RASGRF2: variants seen among roughly 807,000 people sequenced by gnomAD.
The protein encoded by RASGRF2 is ras-specific guanine nucleotide-releasing factor 2.
RASGRF2 carries 76 observed loss-of-function variants against 151.0 expected under a neutral mutation model. The observed-to-expected ratio is 0.50, with a 90% CI of 0.42 to 0.61. The LOEUF is 0.61. Among genes scored for constraint, RASGRF2 ranks in the 20% least tolerant of loss-of-function variants. The probability of loss-of-function intolerance (pLI) is 0.00; values close to 1 mark genes in which losing one functional copy is unlikely to be tolerated. For missense variants in RASGRF2, 1,148 were observed against 1,564.6 expected (o/e 0.73, Z 4.49); for synonymous variants, 504 against 566.5 (o/e 0.89, Z 1.57).
chr5:81,057,080 A>C (rs1472008748), intron 2 of RASGRF2, among the ~76,000 whole-genome samples: 1 of 152,106 alleles, frequency 6.6e-6, no homozygotes, highest in East Asian at 1.9e-4. Flanking sequence ...TGTTGACTCT[A>C]TCCAATTTGC....
chr5:81,229,068 A>G lies in RASGRF2; in HGVS notation c.*3298A>G, dbSNP rs1447448416. ...GGCCAGCAGCGATTGGGCAGCTTTT[A>G]AATTCTTAACTGAAAAGAGTAATGC... On this transcript the variant is annotated 3_prime_UTR_variant, in exon 27 of 27. Transcript: ENST00000265080. 1 of 152,222 alleles carries G rather than the reference A, an allele frequency of 6.6e-6. No individual in the cohort carries two copies. Among genetic ancestry groups the G allele is most frequent in the Non-Finnish European group, 1.5e-5 (1 of 68,046 alleles). 9.4% of individuals were successfully genotyped at this position (152,222 alleles called of 1,614,324 possible).
At chr5:81,091,838 G>A (rs72771106) in intron 9 of RASGRF2, among the ~76,000 whole-genome samples, 6 of 152,254 alleles carry the variant, frequency 3.9e-5, no homozygotes, top group Non-Finnish European at 7.4e-5. Context: ...ATGTTCAAGG[G>A]TTGGATATGC....
intron 24 of RASGRF2, 93 bp from the exon 25 acceptor site, chr5:81,217,263 A>C (rs1755758865): frequency 2.0e-6 from 3 of 1,492,956 alleles, no homozygotes; most frequent in Admixed American, 4.9e-5. Flanking sequence ...TCAGTACCAA[A>C]GGAGGATACT....
chr5:81,145,179 A>G (rs1289041029), intron 17 of RASGRF2, among the ~76,000 whole-genome samples: 1 of 152,188 alleles, frequency 6.6e-6, no homozygotes, highest in Non-Finnish European at 1.5e-5. Context: ...CAGTAAGCCT[A>G]GATCATGCCA....
chr5:81,089,332 ATG>A (rs1752327793), intron 9 of RASGRF2, among the ~76,000 whole-genome samples: 1 of 152,020 alleles, frequency 6.6e-6, no homozygotes, highest in African/African-American at 2.4e-5. Context: ...GTCTATTTCT[ATG>A]TGCGTGTGTG....
chr5:81,113,042 C>G (rs1243488118), intron 14 of RASGRF2, among the ~76,000 whole-genome samples, 184 bp downstream of exon 14: 1 of 152,102 alleles, frequency 6.6e-6, no homozygotes, highest in Non-Finnish European at 1.5e-5. Context: ...TCCCCAGGCA[C>G]GAAGTTGAAA....
chr5:81,092,264 C>G (rs1408078171), intron 9 of RASGRF2, among the ~76,000 whole-genome samples: 2 of 151,770 alleles, frequency 1.3e-5, no homozygotes, highest in Admixed American at 6.6e-5. Context: ...AAAAATAGTT[C>G]TTAGCTAAAT....
intron 4 of RASGRF2, among the ~76,000 whole-genome samples, chr5:81,072,716 AAAAC>A (rs1291441545): frequency 5.3e-5 from 8 of 152,190 alleles, no homozygotes; most frequent in Non-Finnish European, 8.8e-5. Context: ...ACAAACAAAA[AAAAC>A]AGAGAAACAC....
chr5:81,138,350 A>G (rs1315551916), intron 17 of RASGRF2, among the ~76,000 whole-genome samples: 3 of 152,046 alleles, frequency 2.0e-5, no homozygotes, highest in Non-Finnish European at 4.4e-5. Context: ...CCTGTAGACT[A>G]TATTATTTTC....
At chr5:81,210,002 T>G (rs989633132) in intron 22 of RASGRF2, 6 of 152,598 alleles carry the variant, frequency 3.9e-5, no homozygotes, top group Non-Finnish European at 5.9e-5. Context: ...TACATATATC[T>G]CAGGCTCTTC....
At chr5:80,996,743 G>A (rs1033086084) in intron 1 of RASGRF2, among the ~76,000 whole-genome samples, 1 of 150,814 alleles carries the variant, frequency 6.6e-6, no homozygotes, top group Admixed American at 6.6e-5. Context: ...GGGACCACAG[G>A]CACGTGCCAC....
At position 81,146,419 on chromosome 5, in the gene RASGRF2, G is replaced by T. The variant is rs912510964; in HGVS notation, c.2686+19256G>T. ...CTCAGTTGCCCAGGGAGTTAGACTG[G>T]CCCAGTTTGAGGTCCCTTACAGACA... On this transcript the variant is annotated intron_variant, in intron 17 of 26. Transcript: ENST00000265080. Among the ~76,000 whole-genome samples the T allele has an allele frequency of 3.5e-5, 5 of 143,356 alleles. No homozygotes were observed. In the East Asian group the frequency reaches 9.7e-4, roughly 28 times the overall value. The allele number at this position is 143,356 out of a possible 152,430, so 94.0% of individuals were successfully genotyped here.
intron 1 of RASGRF2, among the ~76,000 whole-genome samples, chr5:80,999,411 T>C (rs1007745979): frequency 2.0e-5 from 3 of 152,176 alleles, no homozygotes; most frequent in Middle Eastern, 3.2e-3. Context: ...GCTGCGATCA[T>C]AGCTCACTGT....
chr5:81,027,363 T>G (rs533843740), intron 1 of RASGRF2, among the ~76,000 whole-genome samples: 1 of 152,348 alleles, frequency 6.6e-6, no homozygotes, highest in South Asian at 2.1e-4. Context: ...TCCTGTACTT[T>G]CTGTTCAGTT....
In RASGRF2 at chr5:81,113,857, G is replaced by A. The variant is rs752706737; in HGVS notation, c.2407G>A (p.Glu803Lys). 1 of 1,614,226 alleles carries A rather than the reference G, an allele frequency of 6.2e-7. No individual in the cohort carries two copies. The highest frequency in any genetic ancestry group is 2.2e-5 in the East Asian group (1 of 44,886). Residue 803 changes from glutamate (E) to lysine (K), a missense_variant, in exon 15 of 27, where the codon GAA becomes AAA. Around this residue, in one of 5 missense-constraint regions of RASGRF2, gnomAD observed 646 missense variants for 807.4 expected, o/e 0.80. Transcript: ENST00000265080. The part of the protein sequence containing the change: ...SSPEQSPGTV[E>K]ENVDNPRVDL... ...TCCAGAGCAAAGCCCGGGAACGGTA[G>A]AAGAGAATGTCGATAACCCACGCGT...
rs145341942 is a variant in RASGRF2, at chr5:81,080,852, C to T, written c.1161+63C>T. On this transcript the variant is annotated intron_variant, in intron 7 of 26. Coordinates refer to ENST00000265080, the MANE Select transcript of RASGRF2 (RefSeq NM_006909.3). ...CCAGCTCAATGTCACTGATACCTAG[C>T]GTGACCAGCGTGAGATGCTTAAGTG... 1,693 of 1,417,830 alleles carry T rather than the reference C, an allele frequency of 1.2e-3. 3 individuals are homozygous for T. Among genetic ancestry groups the T allele is most frequent in the Non-Finnish European group, 1.6e-3 (1,586 of 1,019,830 alleles). The allele number at this position is 1,417,830 out of a possible 1,614,324, so 87.8% of individuals were successfully genotyped here.
intron 18 of RASGRF2, among the ~76,000 whole-genome samples, chr5:81,192,445 T>G (rs919361742): frequency 7.2e-5 from 11 of 152,256 alleles, no homozygotes; most frequent in African/African-American, 2.7e-4. Flanking sequence ...AAAATATTTT[T>G]GTAGTTAGGC....
intron 2 of RASGRF2, among the ~76,000 whole-genome samples, chr5:81,055,916 G>A (rs1426932285): frequency 4.6e-5 from 7 of 152,026 alleles, no homozygotes; most frequent in African/African-American, 1.2e-4. Context: ...GTTTATTTTC[G>A]TAGAGGTGTT....
intron 1 of RASGRF2, among the ~76,000 whole-genome samples, chr5:81,002,694 C>T (rs546086112): frequency 4.9e-4 from 75 of 152,172 alleles, no homozygotes; most frequent in Non-Finnish European, 8.5e-4. Flanking sequence ...GATGATCTGT[C>T]GTGCCGATCT....
Sources: gnomAD v4.1 joint callset for allele counts (sites outside exome capture counted in the v4.1 genomes callset) on GRCh38, gnomAD v4.1.1 for gene constraint, gnomAD v4.1.1 regional missense constraint, MANE v1.5 for transcripts, NCBI Gene and HGNC (gene_info 2026-07-23, HGNC 2026-07-21) for gene names.